ZFHX3: variants seen among roughly 807,000 people sequenced by gnomAD.
ZFHX3 encodes the protein zinc finger homeobox 3, also known as zinc finger homeobox protein 3.
In ZFHX3, 42 loss-of-function variants were observed where a neutral mutation model predicts 279.1. That is an observed-to-expected ratio of 0.15 (90% CI 0.12 to 0.19). The LOEUF is 0.19. Ranked by LOEUF, ZFHX3 falls within the 10% of genes least tolerant of loss-of-function variation. The probability of loss-of-function intolerance (pLI) is 1.00; values close to 1 mark genes in which losing one functional copy is unlikely to be tolerated. For synonymous variants in ZFHX3, 2,293 were observed against 1,957.8 expected (o/e 1.17, Z -4.52); for missense variants, 4,981 against 4,754.0 (o/e 1.05, Z -1.40).
chr16:73,668,462 C>T (rs13332846), intron 2 of ZFHX3, among the ~76,000 whole-genome samples: 1 of 152,062 alleles, frequency 6.6e-6, no homozygotes, highest in Non-Finnish European at 1.5e-5. Flanking sequence ...CCTAGCCCCC[C>T]ACCCACTGAC....
intron 2 of ZFHX3, among the ~76,000 whole-genome samples, chr16:73,598,812 G>A (rs889906041): frequency 6.6e-6 from 1 of 152,202 alleles, no homozygotes; most frequent in Non-Finnish European, 1.5e-5. Context: ...TGCCCAGGCT[G>A]GAGTGCAGTG....
At chr16:72,905,475 A>G (rs889679470) in intron 3 of ZFHX3, among the ~76,000 whole-genome samples, 9 of 152,064 alleles carry the variant, frequency 5.9e-5, no homozygotes, top group African/African-American at 1.9e-4. Context: ...TACTATCACT[A>G]TGCTCCTTTA....
Position 73,317,310 on chromosome 16 carries a change from G to A in ZFHX3, c.-1194+930C>T, listed in dbSNP as rs2143184850. Among the ~76,000 whole-genome samples, 3 of 152,026 alleles carry A rather than the reference G, an allele frequency of 2.0e-5. 1 individual carries two copies. Among genetic ancestry groups the A allele is most frequent in the Admixed American group, 2.0e-4 (3 of 15,256 alleles). On this transcript the variant is annotated intron_variant, in intron 4 of 17. Coordinates refer to the ZFHX3 transcript ENST00000641206. ...TGGGGGTGGCGGTGGTGGTGGTTAT[G>A]GTATTGTTCTGGCTTCAGTATTAAT...
chr16:73,445,213 GAATA>G (rs2018162172), intron 3 of ZFHX3, among the ~76,000 whole-genome samples: 1 of 150,788 alleles, frequency 6.6e-6, no homozygotes, highest in Admixed American at 6.6e-5. Context: ...TACATAATTC[GAATA>G]TATAATTCAT....
At chr16:73,263,384 A>T (rs7189443) in intron 4 of ZFHX3, among the ~76,000 whole-genome samples, 126,880 of 151,920 alleles carry the variant, frequency 0.84, 53,103 homozygotes, top group South Asian at 0.93. Context: ...GATGGGGGTC[A>T]CAGTATGTTA....
chr16:73,769,080 C>T (rs1050456707), intron 1 of ZFHX3, among the ~76,000 whole-genome samples: 3 of 152,076 alleles, frequency 2.0e-5, no homozygotes, highest in Non-Finnish European at 2.9e-5. Context: ...AACTGGGCAT[C>T]CTGTATTTTT....
chr16:73,349,476 C>T (rs1003662086), intron 3 of ZFHX3, among the ~76,000 whole-genome samples: 1 of 10,548 alleles, frequency 9.5e-5, no homozygotes, highest in African/African-American at 1.4e-4. Context: ...TGTAACTGTA[C>T]CTTTCATTGG....
At chr16:73,682,039 T>G (rs921654717) in intron 1 of ZFHX3, among the ~76,000 whole-genome samples, 2 of 152,180 alleles carry the variant, frequency 1.3e-5, no homozygotes, top group African/African-American at 4.8e-5. Context: ...GCATAATGGA[T>G]GCTTAACAAA....
chr16:73,250,634 C>T (rs529837234), intron 5 of ZFHX3, among the ~76,000 whole-genome samples: 33 of 152,162 alleles, frequency 2.2e-4, no homozygotes, highest in African/African-American at 6.7e-4. Flanking sequence ...CCTGGATTCA[C>T]GCCATTCTTC....
intron 1 of ZFHX3, among the ~76,000 whole-genome samples, chr16:73,795,771 T>C (rs969517634): frequency 6.6e-6 from 1 of 152,138 alleles, no homozygotes; most frequent in Non-Finnish European, 1.5e-5. Flanking sequence ...CAACAGATGT[T>C]TAAAAGTGTG....
At chr16:73,492,979 A>G (rs765558898) in intron 2 of ZFHX3, among the ~76,000 whole-genome samples, 3 of 152,228 alleles carry the variant, frequency 2.0e-5, no homozygotes, top group African/African-American at 7.2e-5. Flanking sequence ...ATAAAGTATT[A>G]TATACATTTT....
intron 1 of ZFHX3, among the ~76,000 whole-genome samples, chr16:73,018,655 T>A (rs1222426444): frequency 6.6e-6 from 1 of 152,174 alleles, no homozygotes; most frequent in Non-Finnish European, 1.5e-5. Context: ...TTTCTTTAAT[T>A]GGCATTTTGT....
chr16:73,541,786 CTTTTTTTTTT>C lies in ZFHX3; in HGVS notation c.-1546-85538_-1546-85529del, dbSNP rs546761843. 5.0e-3 allele frequency among the ~76,000 whole-genome samples: 442 copies of C among 88,136 alleles called. 1 individual carries two copies. The highest frequency in any genetic ancestry group is 9.6e-3 in the African/African-American group (235 of 24,424). 57.8% of individuals were successfully genotyped at this position (88,136 alleles called of 152,430 possible). ...TCCTGCCCTCCTGTTTGGTGGTTCT[CTTTTTTTTTT>C]TTTTTTTTTTTTTTTTTTTTCCCTG... On this transcript the variant is annotated intron_variant, in intron 2 of 17. Coordinates refer to the ZFHX3 transcript ENST00000641206.
intron 1 of ZFHX3, among the ~76,000 whole-genome samples, chr16:73,764,114 T>G (rs1037329307): frequency 6.6e-6 from 1 of 152,184 alleles, no homozygotes; most frequent in Non-Finnish European, 1.5e-5. Context: ...ACTACATCTG[T>G]GATCATTTGT....
intron 2 of ZFHX3, among the ~76,000 whole-genome samples, chr16:73,589,878 G>A (rs1480864435): frequency 2.0e-5 from 3 of 151,358 alleles, no homozygotes; most frequent in Non-Finnish European, 4.4e-5. Flanking sequence ...TGAAACAAGG[G>A]ACGCTAACTG....
intron 4 of ZFHX3, among the ~76,000 whole-genome samples, chr16:73,266,703 G>A (rs1246813738): frequency 6.6e-6 from 1 of 152,196 alleles, no homozygotes; most frequent in Non-Finnish European, 1.5e-5. Context: ...TGAATCCTGG[G>A]AATGGAGCTT....
intron 2 of ZFHX3, among the ~76,000 whole-genome samples, chr16:73,675,249 G>A (rs1048482370): frequency 1.3e-5 from 2 of 152,094 alleles, no homozygotes; most frequent in Admixed American, 1.3e-4. Context: ...AGGGGGACCA[G>A]GGAAGCAGAG....
chr16:73,594,541 A>G (rs982825590), intron 2 of ZFHX3, among the ~76,000 whole-genome samples: 2 of 152,244 alleles, frequency 1.3e-5, no homozygotes, highest in Non-Finnish European at 2.9e-5. Context: ...TCATAAAGCC[A>G]TATTAATCAG....
chr16:73,157,827 C>G (rs371941800), intron 5 of ZFHX3, among the ~76,000 whole-genome samples: 1 of 152,178 alleles, frequency 6.6e-6, no homozygotes, highest in African/African-American at 2.4e-5. Flanking sequence ...CCATTGGCCT[C>G]ACAAGGAGAA....
Sources: allele counts gnomAD v4.1 joint callset (sites outside exome capture counted in the v4.1 genomes callset), GRCh38; gene constraint gnomAD v4.1.1; transcripts MANE v1.5; gene names NCBI Gene and HGNC (gene_info 2026-07-23, HGNC 2026-07-21).